GLIPR1: variants seen among roughly 807,000 people sequenced by gnomAD.
The protein encoded by GLIPR1 is glioma pathogenesis-related protein 1.
In GLIPR1, 38 loss-of-function variants were observed where a neutral mutation model predicts 30.3. The observed-to-expected ratio is 1.26, with a 90% CI of 0.97 to 1.65. The LOEUF (loss-of-function observed/expected upper bound fraction) is 1.65, where lower values mean the gene tolerates loss of function less well. Among genes scored for constraint, GLIPR1 ranks in the 40% most tolerant of loss-of-function variants. The pLI is 0.00. For synonymous variants in GLIPR1, 122 were observed against 110.6 expected (o/e 1.10, Z -0.65); for missense variants, 285 against 326.5 (o/e 0.87, Z 0.98).
In GLIPR1 at chr12:75,490,565, CGCA is replaced by C. The variant is rs763179138; in HGVS notation, c.533+48_533+50del. On this transcript the variant is annotated intron_variant, in intron 3 of 5. Coordinates refer to ENST00000266659, the MANE Select transcript of GLIPR1 (RefSeq NM_006851.3). ...TTTATAGGAAACGCCCCCCCCCCCC[CGCA>C]AAAAAAAACAACAACAAAAAAAAAC... is the stretch of plus-strand genomic sequence containing the variant. The C allele has an allele frequency of 1.0e-3, 132 of 132,548 alleles. 22 individuals are homozygous for C. In the African/African-American group the frequency reaches 0.022, roughly 22 times the overall value. 8.2% of individuals were successfully genotyped at this position (132,548 alleles called of 1,614,324 possible).
intron 2 of GLIPR1, 88 bp downstream of exon 2, chr12:75,482,167 T>G: frequency 9.2e-7 from 1 of 1,082,994 alleles, no homozygotes; most frequent in Non-Finnish European, 1.4e-6. Flanking sequence ...ATGTATAGTA[T>G]GCTAGTATAC....
In GLIPR1 at chr12:75,499,776, G is replaced by C; in HGVS notation, c.*798G>C. The C allele has an allele frequency of 1.3e-6, 2 of 1,518,442 alleles. No individual in the cohort carries two copies. The highest frequency in any genetic ancestry group is 2.5e-5 in the South Asian group (2 of 78,954). The allele number at this position is 1,518,442 out of a possible 1,614,324, so 94.1% of individuals were successfully genotyped here. ...TGATATCTCAAAATCCTTTACAAAA[G>C]GAGATAGTTCTAGTCAAGGAGTTTT... On this transcript the variant is annotated 3_prime_UTR_variant, in exon 6 of 6. Coordinates refer to ENST00000266659, the MANE Select transcript of GLIPR1 (RefSeq NM_006851.3).
At chr12:75,496,987 G>T (rs1272322888) in intron 4 of GLIPR1, 1 of 152,100 alleles carries the variant, frequency 6.6e-6, no homozygotes, top group Non-Finnish European at 1.5e-5. Flanking sequence ...TAATATCAAG[G>T]TATCAATGTA....
rs1453287079 is a variant in GLIPR1 at position 75,482,092 on chromosome 12, C to T, written c.420+13C>T. 1.2e-6 allele frequency: 2 copies of T among 1,608,388 alleles called. No homozygotes were observed. The highest frequency in any genetic ancestry group is 1.3e-5 in the African/African-American group (1 of 74,644). On this transcript the variant is annotated intron_variant, in intron 2 of 5. Transcript: ENST00000266659. ...CCACTACACTCAGGTAAGGATCTGC[C>T]CTATATTATCTTGAAACTGTCTTTT...
At chr12:75,482,208 C>A in intron 2 of GLIPR1, 129 bp downstream of exon 2, 1 of 806,240 alleles carries the variant, frequency 1.2e-6, no homozygotes, top group South Asian at 1.7e-5. Context: ...AATAGAACAG[C>A]CTCCAAGAAC....
Position 75,501,824 on chromosome 12 carries a change from A to G in GLIPR1, c.*2846A>G, listed in dbSNP as rs760760845. ...GGCTTCTGCTTGTTTAGCCTACATT[A>G]ATAAATAAAAAATATATCAGTTAAA... is the stretch of plus-strand genomic sequence containing the variant. On this transcript the variant is annotated 3_prime_UTR_variant, in exon 6 of 6. Coordinates refer to ENST00000266659, the MANE Select transcript of GLIPR1 (RefSeq NM_006851.3). 30 of 1,588,176 alleles carry G rather than the reference A, an allele frequency of 1.9e-5. No individual in the cohort carries two copies. Among genetic ancestry groups the G allele is most frequent in the Non-Finnish European group, 2.6e-5 (30 of 1,165,288 alleles).
intron 3 of GLIPR1, chr12:75,494,366 A>G (rs1184029371): frequency 6.6e-6 from 1 of 152,212 alleles, no homozygotes; most frequent in East Asian, 1.9e-4. Flanking sequence ...TATTAGCAAT[A>G]AACGTGACTC....
Position 75,499,958 on chromosome 12 carries a change from A to AAATTAAAAGCACAACACATGT in GLIPR1, c.*984_*1004dup. The AAATTAAAAGCACAACACATGT allele has an allele frequency of 1.3e-6, 2 of 1,587,824 alleles. No homozygotes were observed. The highest frequency in any genetic ancestry group is 8.5e-7 in the Non-Finnish European group (1 of 1,171,848). ...ATTTTAGTTTCAGTAGAAGCTAGAC[A>AAATTAAAAGCACAACACATGT]AATTAAAAGCACAACACATGTAATA... On this transcript the variant is annotated 3_prime_UTR_variant, in exon 6 of 6. Coordinates refer to ENST00000266659, the MANE Select transcript of GLIPR1 (RefSeq NM_006851.3).
At chr12:75,494,212 C>T (rs1373690207) in intron 3 of GLIPR1, 1 of 152,122 alleles carries the variant, frequency 6.6e-6, no homozygotes, top group Non-Finnish European at 1.5e-5. Context: ...GGTGAGAGTT[C>T]TCAACTTTGG....
chr12:75,501,640 GTTTCT>G lies in GLIPR1; in HGVS notation c.*2664_*2668del. On this transcript the variant is annotated 3_prime_UTR_variant, in exon 6 of 6. Coordinates refer to ENST00000266659, the MANE Select transcript of GLIPR1 (RefSeq NM_006851.3). ...AGAGAACTGATGAAAAGATACAACTGTTTCTTAAAAAGATTCAGACAAATTTATTA... is the reference window on the plus strand; with the variant it reads ...AGAGAACTGATGAAAAGATACAACTGTAAAAAGATTCAGACAAATTTATTA... 1.1e-6 allele frequency: 1 copy of G among 879,940 alleles called. No homozygotes were observed. Among genetic ancestry groups the G allele is most frequent in the East Asian group, 2.6e-5 (1 of 38,938 alleles). 54.5% of individuals were successfully genotyped at this position (879,940 alleles called of 1,614,324 possible).
At chr12:75,498,621 A>C in intron 4 of GLIPR1, 73 bp from the exon 5 acceptor site, 1 of 1,207,682 alleles carries the variant, frequency 8.3e-7, no homozygotes, top group South Asian at 1.2e-5. Flanking sequence ...TATAAGACTT[A>C]GCTTTTTAAA....
Position 75,501,879 on chromosome 12 carries a change from TA to T in GLIPR1, c.*2902del, listed in dbSNP as rs2046396783. ...TTTATAGTTAAATAATTCAAGTATC[TA>T]TGAACTTTGCTATTCATGTGAGCCA... On this transcript the variant is annotated 3_prime_UTR_variant, in exon 6 of 6. Coordinates refer to ENST00000266659, the MANE Select transcript of GLIPR1 (RefSeq NM_006851.3). 1 of 1,588,666 alleles carries T rather than the reference TA, an allele frequency of 6.3e-7. No homozygotes were observed. Among genetic ancestry groups the T allele is most frequent in the Non-Finnish European group, 8.6e-7 (1 of 1,161,460 alleles).
At position 75,499,849 on chromosome 12, in the gene GLIPR1, T is replaced by C. The variant is rs1201385452; in HGVS notation, c.*871T>C. On this transcript the variant is annotated 3_prime_UTR_variant, in exon 6 of 6. Coordinates refer to ENST00000266659, the MANE Select transcript of GLIPR1 (RefSeq NM_006851.3). ...CTTTTTCTTTTCATCTGCCTCCATC[T>C]TAAGTGCAATTTCTTCAGCTGTAAG... 2.5e-6 allele frequency: 4 copies of C among 1,607,904 alleles called. No individual in the cohort carries two copies. Among genetic ancestry groups the C allele is most frequent in the Non-Finnish European group, 2.5e-6 (3 of 1,177,580 alleles).
intron 3 of GLIPR1, 132 bp downstream of exon 3, chr12:75,490,650 T>C: frequency 1.8e-6 from 1 of 569,826 alleles, no homozygotes; most frequent in East Asian, 2.9e-5. Context: ...AAATAAAAAA[T>C]TAACATAACC....
At chr12:75,485,775 C>G (rs1425689723) in intron 2 of GLIPR1, among the ~76,000 whole-genome samples, 1 of 151,980 alleles carries the variant, frequency 6.6e-6, no homozygotes, top group East Asian at 1.9e-4. Flanking sequence ...TGGTCTCGAT[C>G]TCCTGACCTC....
rs2046380683 is a variant in GLIPR1, at chr12:75,500,013, T to A, written c.*1035T>A. 2 of 1,318,234 alleles carry A rather than the reference T, an allele frequency of 1.5e-6. No homozygotes were observed. Among genetic ancestry groups the A allele is most frequent in the Admixed American group, 4.7e-5 (2 of 42,708 alleles). The allele number at this position is 1,318,234 out of a possible 1,614,324, so 81.7% of individuals were successfully genotyped here. On this transcript the variant is annotated 3_prime_UTR_variant, in exon 6 of 6. Coordinates refer to ENST00000266659, the MANE Select transcript of GLIPR1 (RefSeq NM_006851.3). ...AGATTTTACCAAGTAAAACAAAGAA[T>A]ATATGTTTAACAAAGAATATATGTT...
chr12:75,498,956 C>G lies in GLIPR1; in HGVS notation c.779C>G (p.Pro260Arg), dbSNP rs780690430. 2.6e-5 allele frequency: 42 copies of G among 1,598,872 alleles called. No individual in the cohort carries two copies. Among genetic ancestry groups the G allele is most frequent in the Admixed American group, 5.2e-5 (3 of 57,336 alleles). ...ACCATTTTGGTACAGCACAAGTACC[C>G]TAATTTAGTTCTTTTGGACTAATAC... Reference protein sequence around the residue: ...IITILVQHKYPNLVLLD With the variant: ...IITILVQHKYRNLVLLD Residue 260 changes from proline to arginine, a missense_variant, in exon 6 of 6, where the codon CCT (proline) becomes CGT (arginine). Pro to Arg is a moderately radical substitution (Grantham distance 103, BLOSUM62 -2). Transcript: ENST00000266659.
At chr12:75,490,224 CACACACACA>C (rs2046313776) in intron 2 of GLIPR1, among the ~76,000 whole-genome samples, 173 bp from the exon 3 acceptor site, 3 of 150,800 alleles carry the variant, frequency 2.0e-5, no homozygotes, top group African/African-American at 7.4e-5. Flanking sequence ...CACACACACA[CACACACACA>C]CCCCAATAAT....
At chr12:75,482,535 A>C (rs2046275988) in intron 2 of GLIPR1, among the ~76,000 whole-genome samples, 1 of 152,014 alleles carries the variant, frequency 6.6e-6, no homozygotes, top group Admixed American at 6.6e-5. Flanking sequence ...TCGACTGAAA[A>C]CCTACTGTGT....
Sources: gnomAD v4.1 joint callset for allele counts (sites outside exome capture counted in the v4.1 genomes callset) on GRCh38, gnomAD v4.1.1 for gene constraint, MANE v1.5 for transcripts, NCBI Gene and HGNC (gene_info 2026-07-23, HGNC 2026-07-21) for gene names.